The following MAST3 variants were observed in gnomAD, a reference collection of about 807,000 sequenced individuals.
MAST3 encodes the protein microtubule associated serine/threonine kinase 3.
Under a neutral mutation model 127.0 loss-of-function variants are expected in MAST3, and 43 were observed. The observed-to-expected ratio is 0.34, with a 90% CI of 0.27 to 0.44. The LOEUF is 0.44. Among genes scored for constraint, MAST3 ranks in the 20% least tolerant of loss-of-function variants. MAST3 has a pLI of 1.00. For missense variants in MAST3, 1,390 were observed against 1,919.1 expected, an observed-to-expected ratio of 0.72 and a Z score of 5.15; for synonymous variants, 785 against 809.2, an observed-to-expected ratio of 0.97 and a Z score of 0.51.
intron 12 of MAST3, 93 bp from the exon 13 acceptor site, chr19:18,128,773 C>T (rs958946085): frequency 1.0e-5 from 10 of 977,636 alleles, no homozygotes; most frequent in African/African-American, 4.8e-5. Context: ...GAGGTAGCAT[C>T]GGGCACCAGG....
rs576432124 is a variant in MAST3 at position 18,109,215 on chromosome 19, G to A, written c.72-1437G>A. On this transcript the variant is annotated intron_variant, in intron 2 of 27. Transcript: ENST00000687212. ...AGCTGAGTGGAGTGAGTGGAGATGA[G>A]GTGGCAGGACAGAAGGAGGAGGTCC... is the stretch of plus-strand genomic sequence containing the variant. Among the ~76,000 whole-genome samples, 11 of 133,562 alleles carry A rather than the reference G, an allele frequency of 8.2e-5. No individual in the cohort carries two copies. In the East Asian group the frequency reaches 2.3e-3, roughly 28 times the overall value. 87.6% of individuals were successfully genotyped at this position (133,562 alleles called of 152,430 possible).
chr19:18,104,899 C>G (rs991201080), intron 1 of MAST3, among the ~76,000 whole-genome samples: 1 of 152,106 alleles, frequency 6.6e-6, no homozygotes, highest in African/African-American at 2.4e-5. Flanking sequence ...AATGGCTGAT[C>G]ATGATTAACC....
At chr19:18,137,449 C>T in intron 19 of MAST3, 88 bp downstream of exon 19, 4 of 1,438,924 alleles carry the variant, frequency 2.8e-6, no homozygotes, top group Non-Finnish European at 3.8e-6. Flanking sequence ...CCAGGCATTC[C>T]ACCCGAGCTT....
At chr19:18,108,361 T>G (rs1002058244) in intron 2 of MAST3, among the ~76,000 whole-genome samples, 34 of 151,990 alleles carry the variant, frequency 2.2e-4, no homozygotes, top group African/African-American at 5.1e-4. Flanking sequence ...GTTTTTTTTT[T>G]TTTGTTTTGC....
intron 1 of MAST3, among the ~76,000 whole-genome samples, chr19:18,106,964 C>A (rs1029314724): frequency 8.3e-6 from 1 of 120,714 alleles, no homozygotes; most frequent in Non-Finnish European, 1.7e-5. Flanking sequence ...CCATGCCCAG[C>A]AATTTTTTTT....
At chr19:18,148,724 G>A (rs1360235393) in intron 27 of MAST3, among the ~76,000 whole-genome samples, 1 of 151,976 alleles carries the variant, frequency 6.6e-6, no homozygotes. Flanking sequence ...CCAACATGGT[G>A]AAACCCCAAC....
chr19:18,146,894 T>C lies in MAST3; in HGVS notation c.3176T>C (p.Ile1059Thr), dbSNP rs1274338667. 3.2e-6 allele frequency: 5 copies of C among 1,554,730 alleles called. No homozygotes were observed. The highest frequency in any genetic ancestry group is 4.4e-6 in the Non-Finnish European group (5 of 1,148,868). The change falls in exon 26 of 28, where the codon ATA becomes ACA. Residue 1059 changes from isoleucine to threonine, a missense_variant. This residue lies in a region of MAST3 where 816 missense variants were observed against 934.1 expected (regional missense o/e 0.87). Coordinates refer to ENST00000687212, the MANE Select transcript of MAST3 (RefSeq NM_001393504.1). ...VELLLKSGNKISLRTTALENT... is the reference protein window; with the variant it reads ...VELLLKSGNKTSLRTTALENT... Reference sequence around the variant, plus strand: ...TCCCTCCCGCAGAGCGGCAACAAGATATCCCTGCGGACCACAGCCCTGGAG... The same window carrying C: ...TCCCTCCCGCAGAGCGGCAACAAGACATCCCTGCGGACCACAGCCCTGGAG...
At chr19:18,141,441 C>T (rs1006048628) in intron 20 of MAST3, among the ~76,000 whole-genome samples, 10 of 136,700 alleles carry the variant, frequency 7.3e-5, no homozygotes, top group Middle Eastern at 5.0e-3. Flanking sequence ...GGCACAATCT[C>T]GGCTCACTGC....
intron 25 of MAST3, 52 bp from the exon 26 acceptor site, chr19:18,146,829 T>C: frequency 6.7e-7 from 1 of 1,502,088 alleles, no homozygotes; most frequent in Non-Finnish European, 9.0e-7. Flanking sequence ...GCCTGGCAAG[T>C]GCTGGGCCCT....
chr19:18,108,153 C>T (rs746291756), intron 2 of MAST3, among the ~76,000 whole-genome samples: 5 of 151,972 alleles, frequency 3.3e-5, no homozygotes, highest in East Asian at 3.9e-4. Context: ...ATTAACCAGG[C>T]GTGGTGGTGC....
intron 20 of MAST3, among the ~76,000 whole-genome samples, chr19:18,140,299 AC>A (rs60013623): frequency 1 from 151,976 of 151,976 alleles, 75,988 homozygotes; most frequent in Non-Finnish European, 1. Context: ...TATTGCCTGA[AC>A]CCCCAGAGGT....
chr19:18,141,765 A>G (rs1163832551), intron 20 of MAST3, 117 bp from the exon 21 acceptor site: 3 of 755,406 alleles, frequency 4.0e-6, no homozygotes, highest in Non-Finnish European at 5.6e-6. Flanking sequence ...TATGTTGCCC[A>G]GGCTGGTCTC....
chr19:18,143,694 A>C (rs1447584221), intron 21 of MAST3, 69 bp from the exon 22 acceptor site: 1 of 1,591,184 alleles, frequency 6.3e-7, no homozygotes, highest in South Asian at 1.1e-5. Context: ...AGATGTGGCC[A>C]TGAAGGTGGC....
rs978441993 is a variant in MAST3 at position 18,134,703 on chromosome 19, G to A, written c.1696G>A (p.Asp566Asn). Reference sequence around the variant, plus strand: ...CGAGAAGGACGCCCGAGAGTTCATCGACAAGCAGGTGGGCGGGCAGGTGGG... The same window carrying A: ...CGAGAAGGACGCCCGAGAGTTCATCAACAAGCAGGTGGGCGGGCAGGTGGG... ...HIEKDAREFI[D>N]KQVCGTPEYI... The change falls in exon 16 of 28, where the codon GAC becomes AAC. Residue 566 changes from aspartate to asparagine, a missense_variant. Transcript: ENST00000687212. 1.2e-6 allele frequency: 2 copies of A among 1,613,448 alleles called. No homozygotes were observed. Among genetic ancestry groups the A allele is most frequent in the African/African-American group, 1.3e-5 (1 of 74,936 alleles).
At chr19:18,140,413 G>C (rs775870707) in intron 20 of MAST3, among the ~76,000 whole-genome samples, 1 of 152,088 alleles carries the variant, frequency 6.6e-6, no homozygotes, top group Non-Finnish European at 1.5e-5. Flanking sequence ...GTACAATTTC[G>C]TGGCATTCAG....
At chr19:18,123,459 C>A in intron 7 of MAST3, 85 bp downstream of exon 7, 1 of 1,486,464 alleles carries the variant, frequency 6.7e-7, no homozygotes, top group Non-Finnish European at 9.0e-7. Flanking sequence ...TCACCCCAGC[C>A]CTGACCCTGC....
intron 3 of MAST3, among the ~76,000 whole-genome samples, chr19:18,115,436 C>T (rs1164175902): frequency 6.6e-6 from 1 of 152,030 alleles, no homozygotes; most frequent in Middle Eastern, 3.4e-3. Context: ...AAGGTGTGTC[C>T]CCGTGCATAT....
intron 1 of MAST3, among the ~76,000 whole-genome samples, chr19:18,105,379 A>G (rs1041489021): frequency 6.6e-6 from 1 of 151,510 alleles, no homozygotes; most frequent in African/African-American, 2.4e-5. Flanking sequence ...AAACAAACAA[A>G]CAAACAAAAA....
chr19:18,137,171 G>A, intron 18 of MAST3, 68 bp from the exon 19 acceptor site: 1 of 1,574,724 alleles, frequency 6.4e-7, no homozygotes, highest in South Asian at 1.2e-5. Flanking sequence ...CATGGGCAGT[G>A]GGGGTAGGGG....
Sources: allele counts gnomAD v4.1 joint callset (sites outside exome capture counted in the v4.1 genomes callset), GRCh38; gene constraint gnomAD v4.1.1; regional missense constraint gnomAD v4.1.1; transcripts MANE v1.5; gene names NCBI Gene and HGNC (gene_info 2026-07-23, HGNC 2026-07-21).